The following ANO6 variants were observed in gnomAD, a reference collection of about 807,000 sequenced individuals.
ANO6 encodes the protein anoctamin 6.
ANO6 carries 106 observed loss-of-function variants against 117.5 expected under a neutral mutation model. The ratio of observed to expected loss-of-function variants is 0.90; its 90% CI spans 0.77 to 1.06. The LOEUF (loss-of-function observed/expected upper bound fraction) is 1.06, where lower values mean the gene tolerates loss of function less well. ANO6 is among the 50% of genes least tolerant of loss of function. ANO6 has a pLI of 0.00. For missense variants in ANO6, 955 were observed against 1,121.1 expected (o/e 0.85, Z 2.12); for synonymous variants, 367 against 385.1 (o/e 0.95, Z 0.55).
chr12:45,285,747 A>AG (rs1491405006), intron 1 of ANO6, among the ~76,000 whole-genome samples: 2 of 151,888 alleles, frequency 1.3e-5, no homozygotes, highest in Non-Finnish European at 1.5e-5. Flanking sequence ...AAAAAGAAAA[A>AG]GAAAAAAAAA....
At chr12:45,330,962 GT>G (rs1003010070) in intron 2 of ANO6, among the ~76,000 whole-genome samples, 1 of 151,588 alleles carries the variant, frequency 6.6e-6, no homozygotes, top group African/African-American at 2.4e-5. Flanking sequence ...TGGATAGGCA[GT>G]TTTTTTTACT....
chr12:45,325,995 AAAG>A lies in ANO6; in HGVS notation c.151-5297_151-5295del, dbSNP rs1296161201. Among the ~76,000 whole-genome samples, 3 of 152,282 alleles carry A rather than the reference AAAG, an allele frequency of 2.0e-5. No homozygotes were observed. In the East Asian group the frequency reaches 5.8e-4, roughly 29 times the overall value. ...TTCCTCTACCCTTTTTCAGAAATTT[AAAG>A]AATACTGAAAATCCTATGAGAACTC... On this transcript the variant is annotated intron_variant, in intron 2 of 19. Coordinates refer to ENST00000320560, the MANE Select transcript of ANO6 (RefSeq NM_001025356.3).
intron 2 of ANO6, among the ~76,000 whole-genome samples, chr12:45,324,599 A>C (rs1940399296): frequency 6.6e-6 from 1 of 152,202 alleles, no homozygotes; most frequent in Admixed American, 6.5e-5. Context: ...AAAATAGCCC[A>C]GGGCAGTTCT....
intron 1 of ANO6, among the ~76,000 whole-genome samples, chr12:45,247,236 T>G (rs1947839702): frequency 6.6e-6 from 1 of 152,192 alleles, no homozygotes; most frequent in African/African-American, 2.4e-5. Context: ...AGTTCCATCC[T>G]ACTTTGTAAT....
At chr12:45,216,470 T>G in intron 1 of ANO6, 79 bp downstream of exon 1, 1 of 1,498,362 alleles carries the variant, frequency 6.7e-7, no homozygotes, top group Non-Finnish European at 9.1e-7. Context: ...GCGGGGGCGC[T>G]GTGCTCTCCG....
intron 12 of ANO6, among the ~76,000 whole-genome samples, chr12:45,394,172 C>CA (rs987331285): frequency 7.3e-5 from 11 of 150,748 alleles, no homozygotes; most frequent in African/African-American, 7.3e-5. Flanking sequence ...AAATGGAAAG[C>CA]AAAAAAAAGC....
chr12:45,281,976 G>A (rs1938752322), intron 1 of ANO6, among the ~76,000 whole-genome samples: 1 of 152,186 alleles, frequency 6.6e-6, no homozygotes. Context: ...GGCTTGGCAG[G>A]ATGAGATGAA....
intron 1 of ANO6, among the ~76,000 whole-genome samples, chr12:45,250,461 C>T (rs911460588): frequency 6.6e-6 from 1 of 152,164 alleles, no homozygotes; most frequent in Non-Finnish European, 1.5e-5. Context: ...GGCACGATTA[C>T]AGCTCACTGC....
intron 4 of ANO6, 174 bp downstream of exon 4, chr12:45,347,261 A>G: frequency 4.9e-6 from 3 of 609,014 alleles, no homozygotes; most frequent in Non-Finnish European, 8.7e-6. Flanking sequence ...TTTTTTTCTG[A>G]TCAAAACTAG....
intron 1 of ANO6, among the ~76,000 whole-genome samples, chr12:45,298,297 A>T (rs570120328): frequency 6.6e-6 from 1 of 152,356 alleles, no homozygotes; most frequent in East Asian, 1.9e-4. Context: ...ACATTTCAAC[A>T]TATTACGTTA....
At chr12:45,241,803 G>T (rs1453444802) in intron 1 of ANO6, among the ~76,000 whole-genome samples, 1 of 152,140 alleles carries the variant, frequency 6.6e-6, no homozygotes, top group Admixed American at 6.6e-5. Context: ...CTTCTAACAG[G>T]TCCCTTAGCT....
intron 2 of ANO6, among the ~76,000 whole-genome samples, chr12:45,310,976 G>A (rs921865114): frequency 6.6e-6 from 1 of 152,010 alleles, no homozygotes; most frequent in African/African-American, 2.4e-5. Context: ...AACATGATGA[G>A]TTCAATAAAA....
chr12:45,381,399 T>C (rs1262388450), intron 10 of ANO6, among the ~76,000 whole-genome samples: 1 of 152,184 alleles, frequency 6.6e-6, no homozygotes, highest in Admixed American at 6.5e-5. Flanking sequence ...TTCTATCAGT[T>C]GTCTTATTGC....
At chr12:45,429,070 T>C in intron 19 of ANO6, 35 bp from the exon 20 acceptor site, 1 of 1,608,948 alleles carries the variant, frequency 6.2e-7, no homozygotes, top group Admixed American at 1.7e-5. Context: ...CCTCCATTTC[T>C]TTGTGAGTGA....
At position 45,378,050 on chromosome 12, in the gene ANO6, C is replaced by T; in HGVS notation, c.1105-3C>T. 1 of 1,611,386 alleles carries T rather than the reference C, an allele frequency of 6.2e-7. No homozygotes were observed. Among genetic ancestry groups the T allele is most frequent in the South Asian group, 1.1e-5 (1 of 90,996 alleles). The stretch of plus-strand genomic sequence containing the variant: ...TCATTTATATGTCATTTATATTTTC[C>T]AGAAATTGTGCATCTTCGACAGTTT... On this transcript the variant is annotated splice_region_variant and splice_polypyrimidine_tract_variant and intron_variant, in intron 9 of 19. Transcript: ENST00000320560.
chr12:45,331,256 A>G (rs754343416), intron 2 of ANO6, 39 bp from the exon 3 acceptor site: 20 of 1,556,810 alleles, frequency 1.3e-5, no homozygotes, highest in Non-Finnish European at 1.7e-5. Flanking sequence ...ATTTTTTCAA[A>G]AAATTATATA....
intron 19 of ANO6, among the ~76,000 whole-genome samples, chr12:45,438,624 C>CA (rs1330602652): frequency 2.6e-5 from 4 of 152,128 alleles, no homozygotes; most frequent in African/African-American, 9.7e-5. Flanking sequence ...ACCTGGGCCC[C>CA]ATCCCCAAGA....
At chr12:45,388,020 A>G (rs778188910) in intron 10 of ANO6, 141 bp from the exon 11 acceptor site, 297 of 1,132,996 alleles carry the variant, frequency 2.6e-4, no homozygotes, top group South Asian at 3.5e-4. Context: ...TCTTTCCTTT[A>G]TGAATTACCC....
chr12:45,248,264 A>G (rs912829005), intron 1 of ANO6, among the ~76,000 whole-genome samples: 2 of 152,082 alleles, frequency 1.3e-5, no homozygotes, highest in Admixed American at 6.6e-5. Context: ...AAAACCACCC[A>G]TTTTATGGAT....
Sources: allele counts gnomAD v4.1 joint callset (sites outside exome capture counted in the v4.1 genomes callset), GRCh38; gene constraint gnomAD v4.1.1; transcripts MANE v1.5; gene names NCBI Gene and HGNC (gene_info 2026-07-23, HGNC 2026-07-21).